IL23R: variants seen among roughly 807,000 people sequenced by gnomAD.
The protein encoded by IL23R is interleukin 23 receptor.
IL23R carries 34 observed loss-of-function variants against 56.9 expected under a neutral mutation model. The observed-to-expected ratio is 0.60, with a 90% CI of 0.45 to 0.80. The LOEUF is 0.80. Among genes scored for constraint, IL23R ranks in the 30% least tolerant of loss-of-function variants. The pLI, the probability that IL23R is intolerant of heterozygous loss-of-function variation, is 0.00. For synonymous variants in IL23R, 230 were observed against 249.2 expected (o/e 0.92, Z 0.73); for missense variants, 635 against 730.0 (o/e 0.87, Z 1.50).
At chr1:67,256,403 T>C (rs910054174) in intron 10 of IL23R, among the ~76,000 whole-genome samples, 4 of 152,114 alleles carry the variant, frequency 2.6e-5, no homozygotes, top group African/African-American at 9.7e-5. Flanking sequence ...CTGTGAACAA[T>C]AGTGTCACAG....
chr1:67,166,836 G>A (rs1646878758), intron 1 of IL23R, among the ~76,000 whole-genome samples: 1 of 152,068 alleles, frequency 6.6e-6, no homozygotes, highest in Non-Finnish European at 1.5e-5. Flanking sequence ...TCTGAGCCAA[G>A]GGGACCCCAG....
intron 4 of IL23R, among the ~76,000 whole-genome samples, chr1:67,191,399 A>G (rs980430132): frequency 6.6e-6 from 1 of 151,388 alleles, no homozygotes; most frequent in South Asian, 2.1e-4. Context: ...CCTAAGGTCA[A>G]CTCTCCACTT....
intron 7 of IL23R, among the ~76,000 whole-genome samples, chr1:67,228,674 A>G (rs111818293): frequency 0.056 from 8,513 of 152,214 alleles, 822 homozygotes; most frequent in African/African-American, 0.19. Context: ...CAATAGGGTT[A>G]TGTTCCTTCT....
intron 4 of IL23R, among the ~76,000 whole-genome samples, chr1:67,188,253 C>G (rs1233381414): frequency 6.6e-6 from 1 of 152,102 alleles, no homozygotes; most frequent in Non-Finnish European, 1.5e-5. Flanking sequence ...TGCTGTATCT[C>G]CAGGCTTCTT....
intron 1 of IL23R, among the ~76,000 whole-genome samples, chr1:67,140,735 A>C (rs1011032386): frequency 6.6e-6 from 1 of 152,172 alleles, no homozygotes; most frequent in African/African-American, 2.4e-5. Context: ...TTTATTTAAT[A>C]TTTTTTATAA....
intron 6 of IL23R, among the ~76,000 whole-genome samples, chr1:67,209,798 A>G (rs1416819157): frequency 6.6e-6 from 1 of 152,170 alleles, no homozygotes; most frequent in Non-Finnish European, 1.5e-5. Flanking sequence ...TTTAATAATG[A>G]TTATTGTATG....
chr1:67,195,837 C>T (rs1174239413), intron 4 of IL23R, among the ~76,000 whole-genome samples: 1 of 152,130 alleles, frequency 6.6e-6, no homozygotes, highest in African/African-American at 2.4e-5. Context: ...TACTTAGATG[C>T]ACACATCTGC....
intron 7 of IL23R, among the ~76,000 whole-genome samples, chr1:67,227,315 C>T (rs1403675504): frequency 6.6e-6 from 1 of 152,098 alleles, no homozygotes; most frequent in African/African-American, 2.4e-5. Context: ...TTCTATAATT[C>T]CTTTAATAAC....
chr1:67,139,562 A>G (rs75185926), intron 1 of IL23R, among the ~76,000 whole-genome samples: 2 of 152,176 alleles, frequency 1.3e-5, no homozygotes, highest in Non-Finnish European at 2.9e-5. Flanking sequence ...AAAGACCACA[A>G]CTTAATATTT....
chr1:67,224,340 CAAACTTTTCCAGTGCTT>C (rs1650481962), intron 7 of IL23R, among the ~76,000 whole-genome samples: 2 of 152,152 alleles, frequency 1.3e-5, no homozygotes, highest in Admixed American at 6.5e-5. Flanking sequence ...TTTGGCCAGC[CAAACTTTTCCAGTGCTT>C]AAAGGTTTAT....
intron 4 of IL23R, among the ~76,000 whole-genome samples, chr1:67,188,883 A>G (rs1174799205): frequency 6.6e-6 from 1 of 152,150 alleles, no homozygotes; most frequent in East Asian, 1.9e-4. Flanking sequence ...ATACTATTAC[A>G]TTGGGGTTTA....
intron 4 of IL23R, among the ~76,000 whole-genome samples, chr1:67,183,425 C>T (rs1558232973): frequency 6.6e-6 from 1 of 152,182 alleles, no homozygotes; most frequent in Admixed American, 6.5e-5. Context: ...ATTCCAGCTG[C>T]TCAGGAGGCT....
chr1:67,199,851 A>G (rs1325851942), intron 4 of IL23R, among the ~76,000 whole-genome samples: 3 of 152,066 alleles, frequency 2.0e-5, no homozygotes, highest in African/African-American at 7.2e-5. Flanking sequence ...TTTCAGTAAA[A>G]GGTTGCATAT....
intron 4 of IL23R, 104 bp downstream of exon 4, chr1:67,183,063 A>G: frequency 1.6e-6 from 2 of 1,267,120 alleles, no homozygotes; most frequent in Non-Finnish European, 1.1e-6. Context: ...CATTAAATAT[A>G]TACCCTGATT....
chr1:67,235,396 CT>C (rs9326074), intron 7 of IL23R, among the ~76,000 whole-genome samples: 104,550 of 140,210 alleles, frequency 0.75, 38,912 homozygotes, highest in Middle Eastern at 0.87. Flanking sequence ...TTTCTTTTTT[CT>C]TTTTTTTTTT....
chr1:67,237,455 A>G (rs1651558859), intron 8 of IL23R, among the ~76,000 whole-genome samples: 1 of 152,228 alleles, frequency 6.6e-6, no homozygotes, highest in Non-Finnish European at 1.5e-5. Flanking sequence ...TCTTTAAAAC[A>G]ACCCATGAGA....
intron 7 of IL23R, among the ~76,000 whole-genome samples, chr1:67,223,267 A>C (rs1650419502): frequency 6.6e-6 from 1 of 152,092 alleles, no homozygotes; most frequent in Non-Finnish European, 1.5e-5. Flanking sequence ...ATAAATAAAT[A>C]AATAAAGTAA....
intron 7 of IL23R, among the ~76,000 whole-genome samples, chr1:67,227,120 GAAAGAGCCCC>G (rs1459906181): frequency 1.3e-5 from 2 of 152,184 alleles, no homozygotes; most frequent in Non-Finnish European, 2.9e-5. Context: ...CAGCAGTGCG[GAAAGAGCCCC>G]AAAGGGGAAA....
chr1:67,187,619 A>C (rs1291232301), intron 4 of IL23R, among the ~76,000 whole-genome samples: 2 of 152,238 alleles, frequency 1.3e-5, no homozygotes, highest in African/African-American at 4.8e-5. Context: ...CTCAGTACTC[A>C]AAAAGTCACT....
Sources: allele counts gnomAD v4.1 joint callset (sites outside exome capture counted in the v4.1 genomes callset), GRCh38; gene constraint gnomAD v4.1.1; transcripts MANE v1.5; gene names NCBI Gene and HGNC (gene_info 2026-07-23, HGNC 2026-07-21).